CD48: variants seen among roughly 807,000 people sequenced by gnomAD.
The protein encoded by CD48 is CD48 antigen.
CD48 carries 20 observed loss-of-function variants against 22.0 expected under a neutral mutation model. The ratio of observed to expected loss-of-function variants is 0.91; its 90% CI spans 0.64 to 1.32. CD48 has a LOEUF of 1.32. Ranked by LOEUF, CD48 falls within the 40% of genes most tolerant of loss-of-function variation. The pLI, the probability that CD48 is intolerant of heterozygous loss-of-function variation, is 0.00. For missense variants in CD48, 307 were observed against 286.5 expected, an observed-to-expected ratio of 1.07 and a Z score of -0.52; for synonymous variants, 110 against 110.1, an observed-to-expected ratio of 1.00 and a Z score of 0.01.
At chr1:160,707,046 C>T (rs982045434) in intron 1 of CD48, among the ~76,000 whole-genome samples, 1 of 152,158 alleles carries the variant, frequency 6.6e-6, no homozygotes, top group African/African-American at 2.4e-5. Flanking sequence ...ACCTGAAGCT[C>T]TCTCATAAGA....
At chr1:160,684,354 T>C (rs1002872214) in intron 2 of CD48, 48 of 168,020 alleles carry the variant, frequency 2.9e-4, no homozygotes, top group Non-Finnish European at 4.9e-4. Context: ...AGTGAGCAAC[T>C]GACCAGTTTT....
At chr1:160,698,193 C>T (rs1007681882) in intron 1 of CD48, among the ~76,000 whole-genome samples, 1 of 152,130 alleles carries the variant, frequency 6.6e-6, no homozygotes, top group African/African-American at 2.4e-5. Context: ...AAACCAGCCT[C>T]CCAAACTATA....
At chr1:160,708,817 C>T (rs190807095) in intron 1 of CD48, among the ~76,000 whole-genome samples, 89 of 152,112 alleles carry the variant, frequency 5.9e-4, no homozygotes, top group African/African-American at 1.9e-3. Context: ...TGAGTAGGCT[C>T]GGTGATGGCT....
chr1:160,706,444 A>G (rs1288973906), intron 1 of CD48, among the ~76,000 whole-genome samples: 1 of 152,068 alleles, frequency 6.6e-6, no homozygotes, highest in African/African-American at 2.4e-5. Flanking sequence ...CTCCCTCCTT[A>G]ACCACCCATG....
chr1:160,701,204 T>G (rs1288909708), intron 1 of CD48, among the ~76,000 whole-genome samples: 6 of 128,890 alleles, frequency 4.7e-5, no homozygotes, highest in Non-Finnish European at 9.9e-5. Flanking sequence ...TCAATAACTA[T>G]GAGAGGCTAA....
chr1:160,681,282 G>A lies in CD48; in HGVS notation c.572C>T (p.Ser191Phe), dbSNP rs188128696. 6.2e-7 allele frequency: 1 copy of A among 1,614,078 alleles called. No homozygotes were observed. The highest frequency in any genetic ancestry group is 1.3e-5 in the African/African-American group (1 of 74,910). ...LETTLMPHNY[S>F]RCYTCQVSNS... ...GCTGACTTGGCAAGTATAACACCTG[G>A]AGTAATTATGTGGCATAAGGGTGGT... The change falls in exon 3 of 4, where the codon TCC becomes TTC. Residue 191 changes from serine to phenylalanine, a missense_variant. Physicochemically the swap from Ser to Phe is radical, Grantham distance 155. Transcript: ENST00000368046.
Position 160,678,803 on chromosome 1 carries a change from A to G in CD48, c.*249T>C. 2.7e-6 allele frequency: 1 copy of G among 377,062 alleles called. No individual in the cohort carries two copies. The highest frequency in any genetic ancestry group is 4.3e-5 in the Admixed American group (1 of 23,312). 23.4% of individuals were successfully genotyped at this position (377,062 alleles called of 1,614,324 possible). A position where few individuals can be genotyped will look rare whatever the true frequency, so the allele number is the denominator to read the frequency against. ...TTTTAAAAAATAATAAAACATTCACATAATGTTGTCACAATTTTGGGTGGG... is the reference window on the plus strand; with the variant it reads ...TTTTAAAAAATAATAAAACATTCACGTAATGTTGTCACAATTTTGGGTGGG... On this transcript the variant is annotated 3_prime_UTR_variant, in exon 4 of 4. Coordinates refer to ENST00000368046, the MANE Select transcript of CD48 (RefSeq NM_001778.4).
At chr1:160,691,095 C>T (rs953589707) in intron 1 of CD48, among the ~76,000 whole-genome samples, 3 of 152,152 alleles carry the variant, frequency 2.0e-5, no homozygotes, top group African/African-American at 4.8e-5. Flanking sequence ...CCTGCAGGGG[C>T]CTCTGCCTAG....
intron 1 of CD48, among the ~76,000 whole-genome samples, chr1:160,694,691 G>C (rs954409019): frequency 5.9e-5 from 9 of 152,092 alleles, no homozygotes; most frequent in Non-Finnish European, 1.0e-4. Context: ...AAAAAATGAA[G>C]ATGGCATTAA....
At chr1:160,690,065 G>C (rs1246823368) in intron 1 of CD48, among the ~76,000 whole-genome samples, 1 of 152,124 alleles carries the variant, frequency 6.6e-6, no homozygotes, top group African/African-American at 2.4e-5. Context: ...TGGACAATTG[G>C]GTTTTTAAAG....
intron 1 of CD48, among the ~76,000 whole-genome samples, chr1:160,692,887 A>G (rs1202685120): frequency 6.6e-6 from 1 of 152,202 alleles, no homozygotes; most frequent in Non-Finnish European, 1.5e-5. Flanking sequence ...ATATGAGGAC[A>G]TTATTAGATT....
At chr1:160,681,769 A>G (rs571635456) in intron 2 of CD48, among the ~76,000 whole-genome samples, 2 of 152,330 alleles carry the variant, frequency 1.3e-5, no homozygotes, top group East Asian at 1.9e-4. Flanking sequence ...CTGAACGAAC[A>G]GCCCAGAGAC....
intron 2 of CD48, among the ~76,000 whole-genome samples, chr1:160,682,004 G>T (rs774050393): frequency 6.6e-6 from 1 of 152,202 alleles, no homozygotes; most frequent in Non-Finnish European, 1.5e-5. Context: ...CTACAGAGAA[G>T]AACTTCATGT....
At chr1:160,691,394 C>G (rs1052962521) in intron 1 of CD48, among the ~76,000 whole-genome samples, 2 of 152,076 alleles carry the variant, frequency 1.3e-5, no homozygotes, top group Admixed American at 1.3e-4. Context: ...ATGCAGGCAG[C>G]AATACTGCTT....
intron 1 of CD48, among the ~76,000 whole-genome samples, chr1:160,701,388 C>T (rs1662625408): frequency 1.3e-5 from 2 of 151,858 alleles, no homozygotes; most frequent in African/African-American, 4.8e-5. Context: ...TGCTCAGAAA[C>T]CAATTGATTT....
At chr1:160,711,436 G>A (rs185951133) in intron 1 of CD48, among the ~76,000 whole-genome samples, 3 of 152,222 alleles carry the variant, frequency 2.0e-5, no homozygotes, top group African/African-American at 7.2e-5. Context: ...AAAATATGAG[G>A]AGCCTACTTC....
chr1:160,699,455 G>C (rs950884156), intron 1 of CD48: 1 of 153,352 alleles, frequency 6.5e-6, no homozygotes, highest in African/African-American at 2.4e-5. Flanking sequence ...CCATCCCCCA[G>C]ACCAACACCC....
intron 3 of CD48, chr1:160,680,834 A>G: frequency 7.8e-7 from 1 of 1,288,736 alleles, no homozygotes; most frequent in Non-Finnish European, 9.9e-7. Flanking sequence ...GCCCCTCTAG[A>G]CAGCTGCTCG....
chr1:160,680,693 G>A (rs1436030290), intron 3 of CD48: 3 of 1,014,162 alleles, frequency 3.0e-6, no homozygotes, highest in East Asian at 1.9e-4. Context: ...CTTCGCCTGA[G>A]GCTCAGGCTC....
Sources: gnomAD v4.1 joint callset for allele counts (sites outside exome capture counted in the v4.1 genomes callset) on GRCh38, gnomAD v4.1.1 for gene constraint, MANE v1.5 for transcripts, NCBI Gene and HGNC (gene_info 2026-07-23, HGNC 2026-07-21) for gene names.